NSD3: variants seen among roughly 807,000 people sequenced by gnomAD.
NSD3 encodes nuclear receptor binding SET domain protein 3.
Under a neutral mutation model 160.8 loss-of-function variants are expected in NSD3, and 24 were observed. The ratio of observed to expected loss-of-function variants is 0.15; its 90% CI spans 0.11 to 0.21. The LOEUF is 0.21. NSD3 is among the 10% of genes least tolerant of loss of function. The pLI is 1.00. For synonymous variants in NSD3, 520 were observed against 600.0 expected, an observed-to-expected ratio of 0.87 and a Z score of 1.95; for missense variants, 1,157 against 1,735.9, an observed-to-expected ratio of 0.67 and a Z score of 5.93.
intron 12 of NSD3, among the ~76,000 whole-genome samples, chr8:38,310,129 C>G (rs1809497954): frequency 6.6e-6 from 1 of 152,166 alleles, no homozygotes; most frequent in African/African-American, 2.4e-5. Flanking sequence ...ATTGTTACCA[C>G]TGTCTGCCTC....
intron 19 of NSD3, among the ~76,000 whole-genome samples, chr8:38,284,303 A>G (rs1321786993): frequency 6.6e-6 from 1 of 152,048 alleles, no homozygotes; most frequent in Non-Finnish European, 1.5e-5. Flanking sequence ...AACATTTTGC[A>G]CTGTGATATG....
intron 1 of NSD3, 80 bp downstream of exon 1, chr8:38,381,719 T>A (rs1811573717): frequency 6.6e-6 from 1 of 151,526 alleles, no homozygotes; most frequent in South Asian, 2.1e-4. Context: ...TCCTCAGCCC[T>A]TCCTAGCACT....
rs769092606 is a variant in NSD3 at position 38,316,094 on chromosome 8, T to A, written c.1856-52A>T. On this transcript the variant is annotated intron_variant, in intron 9 of 23. Coordinates refer to ENST00000317025, the MANE Select transcript of NSD3 (RefSeq NM_023034.2). The surrounding 1 kb of genome is among the most constrained non-coding windows in gnomAD (Gnocchi z 4.5). Reference sequence around the variant, plus strand: ...CTAAAATAGTACTTAAGGTTTGTTTTAATTTTTTTGTGTGTGGGAGAATAT... The same window carrying A: ...CTAAAATAGTACTTAAGGTTTGTTTAAATTTTTTTGTGTGTGGGAGAATAT... 6.9e-6 allele frequency: 11 copies of A among 1,594,246 alleles called. No homozygotes were observed. Among genetic ancestry groups the A allele is most frequent in the Middle Eastern group, 2.3e-4 (1 of 4,396 alleles).
intron 12 of NSD3, among the ~76,000 whole-genome samples, chr8:38,306,877 G>A (rs1264703857): frequency 6.6e-6 from 1 of 152,112 alleles, no homozygotes; most frequent in African/African-American, 2.4e-5. Context: ...CACTTTGGGA[G>A]GCCAAGGCGG....
intron 12 of NSD3, among the ~76,000 whole-genome samples, chr8:38,311,742 A>G (rs1809540544): frequency 6.6e-6 from 1 of 152,186 alleles, no homozygotes; most frequent in Non-Finnish European, 1.5e-5. Flanking sequence ...GGTTGCCTTT[A>G]CATTATGTTG....
At chr8:38,343,054 A>C (rs1810416959) in intron 2 of NSD3, among the ~76,000 whole-genome samples, 1 of 151,448 alleles carries the variant, frequency 6.6e-6, no homozygotes, top group Middle Eastern at 3.2e-3. Flanking sequence ...AAATTAGCTG[A>C]GTGTGGTGAC....
chr8:38,334,703 T>C (rs1460647584), intron 4 of NSD3, among the ~76,000 whole-genome samples: 1 of 152,050 alleles, frequency 6.6e-6, no homozygotes, highest in Non-Finnish European at 1.5e-5. Context: ...GAGGTTGCAG[T>C]GAGCTGAGAT....
At chr8:38,355,584 A>G (rs1335243592) in intron 1 of NSD3, among the ~76,000 whole-genome samples, 1 of 152,190 alleles carries the variant, frequency 6.6e-6, no homozygotes, top group Non-Finnish European at 1.5e-5. Context: ...GAGAAGAAAA[A>G]TGCTGGGCAA....
chr8:38,347,510 G>C lies in NSD3; in HGVS notation c.662C>G (p.Pro221Arg). The C allele has an allele frequency of 6.4e-7, 1 of 1,572,518 alleles. No homozygotes were observed. Among genetic ancestry groups the C allele is most frequent in the Non-Finnish European group, 8.6e-7 (1 of 1,163,232 alleles). The change falls in exon 2 of 24, where the codon CCA (proline) becomes CGA (arginine). Residue 221 changes from proline to arginine, a missense_variant. Pro to Arg is a moderately radical substitution (Grantham distance 103, BLOSUM62 -2). Transcript: ENST00000317025. ...TTTTCAACTTACATTTTGTTCCTCT[G>C]GTTCTAATTTGGGGATTTTGTGTGA... ...RKSHKIPKLE[P>R]EEQNRPNERV...
chr8:38,338,007 A>C (rs937217424), intron 3 of NSD3, among the ~76,000 whole-genome samples: 20 of 152,212 alleles, frequency 1.3e-4, no homozygotes, highest in African/African-American at 4.6e-4. Flanking sequence ...GCATGTTAAG[A>C]ATACACATGA....
At chr8:38,373,347 C>T (rs879794700) in intron 1 of NSD3, among the ~76,000 whole-genome samples, 4 of 151,986 alleles carry the variant, frequency 2.6e-5, no homozygotes, top group South Asian at 2.1e-4. Flanking sequence ...CTCAGCCTCC[C>T]GAGTAGCTGG....
At chr8:38,372,036 TCAAA>T (rs1469281476) in intron 1 of NSD3, among the ~76,000 whole-genome samples, 1 of 152,164 alleles carries the variant, frequency 6.6e-6, no homozygotes, top group African/African-American at 2.4e-5. Flanking sequence ...GGATGAAGGG[TCAAA>T]CATAGATTGT....
chr8:38,336,708 G>A (rs1448732235), intron 4 of NSD3, among the ~76,000 whole-genome samples: 1 of 152,150 alleles, frequency 6.6e-6, no homozygotes, highest in African/African-American at 2.4e-5. Flanking sequence ...CATATTTTCA[G>A]TCAGATTAAG....
At chr8:38,357,615 T>C (rs1810857600) in intron 1 of NSD3, among the ~76,000 whole-genome samples, 1 of 152,208 alleles carries the variant, frequency 6.6e-6, no homozygotes, top group Non-Finnish European at 1.5e-5. Flanking sequence ...TCTGAGTAAC[T>C]TTCCTCTGTG....
In NSD3 at chr8:38,318,883, A is replaced by G; in HGVS notation, c.1855+12T>C. ...CAAGGAAATGCAAAGCAACATTATA[A>G]TATTAACTCACCTTTCTGTAATCCA... On this transcript the variant is annotated intron_variant, in intron 9 of 23. Transcript: ENST00000317025. This position sits in a 1 kb window ranked among gnomAD's most constrained non-coding sequence, Gnocchi z 5.3. 1 of 1,608,200 alleles carries G rather than the reference A, an allele frequency of 6.2e-7. No individual in the cohort carries two copies. The highest frequency in any genetic ancestry group is 1.3e-5 in the African/African-American group (1 of 74,686).
At chr8:38,296,078 GAGTC>G in intron 15 of NSD3, 126 bp from the exon 16 acceptor site, 1 of 961,344 alleles carries the variant, frequency 1.0e-6, no homozygotes, top group Non-Finnish European at 1.5e-6. Flanking sequence ...CAAAGGGACT[GAGTC>G]ATATCTACAG....
At chr8:38,310,303 T>A (rs985333055) in intron 12 of NSD3, among the ~76,000 whole-genome samples, 5 of 152,212 alleles carry the variant, frequency 3.3e-5, no homozygotes, top group Admixed American at 2.6e-4. Flanking sequence ...ATACCTGGCT[T>A]ATTTCACTCA....
intron 2 of NSD3, among the ~76,000 whole-genome samples, chr8:38,338,896 T>C (rs553317387): frequency 3.5e-4 from 54 of 152,178 alleles, no homozygotes; most frequent in African/African-American, 1.3e-3. Flanking sequence ...AATCCCAGCA[T>C]TTTGGGAGGC....
chr8:38,317,845 T>C lies in NSD3; in HGVS notation c.1855+1050A>G, dbSNP rs1001934375. On this transcript the variant is annotated intron_variant, in intron 9 of 23. Transcript: ENST00000317025. The surrounding 1 kb of genome is among the most constrained non-coding windows in gnomAD (Gnocchi z 5.3). Reference sequence around the variant, plus strand: ...GGCAGGAAAATGCCAATAATGATGATTGGCGAAATCAAAATCGAAAACAAA... The same window carrying C: ...GGCAGGAAAATGCCAATAATGATGACTGGCGAAATCAAAATCGAAAACAAA... 1.2e-5 allele frequency: 19 copies of C among 1,528,520 alleles called. No individual in the cohort carries two copies. Among genetic ancestry groups the C allele is most frequent in the Admixed American group, 4.2e-5 (2 of 47,732 alleles). The allele number at this position is 1,528,520 out of a possible 1,614,324, so 94.7% of individuals were successfully genotyped here.
Sources: allele counts gnomAD v4.1 joint callset (sites outside exome capture counted in the v4.1 genomes callset), GRCh38; gene constraint gnomAD v4.1.1; non-coding constraint Gnocchi (gnomAD v3.1); transcripts MANE v1.5; gene names NCBI Gene and HGNC (gene_info 2026-07-23, HGNC 2026-07-21).